TMEM71: variants seen among roughly 807,000 people sequenced by gnomAD.
TMEM71 encodes transmembrane protein 71.
Under a neutral mutation model 38.0 loss-of-function variants are expected in TMEM71, and 44 were observed. That is an observed-to-expected ratio of 1.16 (90% CI 0.91 to 1.49). The LOEUF (loss-of-function observed/expected upper bound fraction) is 1.49. Among genes scored for constraint, TMEM71 ranks in the 40% most tolerant of loss-of-function variants. The probability of loss-of-function intolerance (pLI) is 0.00; values close to 1 mark genes in which losing one functional copy is unlikely to be tolerated. For missense variants in TMEM71, 367 were observed against 348.6 expected (o/e 1.05, Z -0.42); for synonymous variants, 133 against 122.5 (o/e 1.09, Z -0.56).
intron 7 of TMEM71, among the ~76,000 whole-genome samples, chr8:132,716,630 A>G (rs1826550850): frequency 6.6e-6 from 1 of 152,234 alleles, no homozygotes; most frequent in South Asian, 2.1e-4. Flanking sequence ...ACATCATCTT[A>G]TATAAGGGGC....
Position 132,722,046 on chromosome 8 carries a change from C to T in TMEM71, c.746G>A (p.Cys249Tyr). Residue 249 changes from cysteine to tyrosine, a missense_variant, in exon 7 of 10, where the codon TGT becomes TAT. By Grantham distance (194) the Cys-to-Tyr change is radical. Coordinates refer to ENST00000677595, the MANE Select transcript of TMEM71 (RefSeq NM_001382403.1). ...AAAATAAAACGTGAATTACCTTGCACATGCAGAAATGATTAAGCACACAGC... is the reference window on the plus strand; with the variant it reads ...AAAATAAAACGTGAATTACCTTGCATATGCAGAAATGATTAAGCACACAGC... Reference protein sequence around the residue: ...LLAVCLIISACARWFMGEILA... With the variant: ...LLAVCLIISAYARWFMGEILA... 1.2e-6 allele frequency: 2 copies of T among 1,613,498 alleles called. No individual in the cohort carries two copies. The highest frequency in any genetic ancestry group is 1.7e-6 in the Non-Finnish European group (2 of 1,179,436).
chr8:132,751,932 C>A lies in TMEM71; in HGVS notation c.167G>T (p.Gly56Val). The change falls in exon 4 of 10, where the codon GGC becomes GTC. Residue 56 changes from glycine to valine, a missense_variant. Transcript: ENST00000677595. ...ACTTCGGCGACAGGTATAGTGGGAG[C>A]CTGTCAGGGGATCTATGGAGCCGCA... The part of the protein sequence containing the change: ...FECGSIDPLT[G>V]SHYTCRRSPR... 1 of 1,614,086 alleles carries A rather than the reference C, an allele frequency of 6.2e-7. No homozygotes were observed.
At chr8:132,747,483 T>C (rs191929282) in intron 4 of TMEM71, among the ~76,000 whole-genome samples, 1 of 152,356 alleles carries the variant, frequency 6.6e-6, no homozygotes, top group African/African-American at 2.4e-5. Context: ...TATTATCCCA[T>C]TTTTCTGATC....
chr8:132,743,895 T>A (rs1384245277), intron 5 of TMEM71, among the ~76,000 whole-genome samples: 1 of 152,200 alleles, frequency 6.6e-6, no homozygotes, highest in Non-Finnish European at 1.5e-5. Context: ...CAGCACAGAA[T>A]GTTCTTACCT....
intron 7 of TMEM71, among the ~76,000 whole-genome samples, chr8:132,719,933 G>A (rs777142050): frequency 6.6e-6 from 1 of 152,146 alleles, no homozygotes; most frequent in Non-Finnish European, 1.5e-5. Flanking sequence ...CATTGCGTCT[G>A]CTAGGCTCCT....
chr8:132,756,422 T>TATATATATA (rs1829018139), intron 3 of TMEM71, among the ~76,000 whole-genome samples: 3 of 142,276 alleles, frequency 2.1e-5, no homozygotes, highest in African/African-American at 7.8e-5. Context: ...TATATATATA[T>TATATATATA]ATATATATAT....
At chr8:132,758,816 G>C in intron 2 of TMEM71, 24 bp downstream of exon 2, 1 of 1,605,400 alleles carries the variant, frequency 6.2e-7, no homozygotes, top group South Asian at 1.1e-5. Context: ...AGATAATTGC[G>C]TATCACAGTT....
At chr8:132,738,414 C>G (rs777426880) in intron 5 of TMEM71, among the ~76,000 whole-genome samples, 1 of 152,296 alleles carries the variant, frequency 6.6e-6, no homozygotes, top group South Asian at 2.1e-4. Context: ...CTATCACTAA[C>G]CTGTCAATTC....
intron 6 of TMEM71, among the ~76,000 whole-genome samples, chr8:132,723,096 A>G (rs1057207113): frequency 6.6e-6 from 1 of 152,246 alleles, no homozygotes; most frequent in South Asian, 2.1e-4. Context: ...TGAGTCAGCT[A>G]ACAAAACCTA....
the TMEM71 span, among the ~76,000 whole-genome samples, chr8:132,767,206 T>C: frequency 6.6e-6 from 1 of 152,144 alleles, no homozygotes; most frequent in African/African-American, 2.4e-5. Flanking sequence ...TTTCCATTAC[T>C]CTCCTCGGCC....
intron 9 of TMEM71, among the ~76,000 whole-genome samples, chr8:132,712,158 C>G (rs184722658): frequency 3.7e-4 from 56 of 152,092 alleles, no homozygotes; most frequent in African/African-American, 1.3e-3. Flanking sequence ...GTCAATAGTC[C>G]TTGTTTTCAC....
rs191936782 is a variant in TMEM71, at chr8:132,728,466, C to T, written c.488-480G>A. Among the ~76,000 whole-genome samples, 34 of 152,342 alleles carry T rather than the reference C, an allele frequency of 2.2e-4. 1 individual carries two copies. The East Asian group carries it at 6.4e-3, about 29-fold the overall frequency. The stretch of plus-strand genomic sequence containing the variant: ...GATTCAATACCCTCCCACCAGATCC[C>T]TCTCACAACATGTGGGAATTGTGGG... On this transcript the variant is annotated intron_variant, in intron 5 of 9. Transcript: ENST00000677595.
downstream of TMEM71, among the ~76,000 whole-genome samples, chr8:132,708,105 T>C (rs917642424): frequency 2.0e-5 from 3 of 152,200 alleles, no homozygotes; most frequent in African/African-American, 4.8e-5. Flanking sequence ...TCCAGATCAC[T>C]GAGAATCTTT....
the TMEM71 span, among the ~76,000 whole-genome samples, chr8:132,773,438 G>A: frequency 6.6e-6 from 1 of 152,128 alleles, no homozygotes; most frequent in Admixed American, 6.5e-5. Flanking sequence ...TTTCCAGGGT[G>A]GATTCTCAAC....
At chr8:132,730,893 G>A (rs925517580) in intron 5 of TMEM71, among the ~76,000 whole-genome samples, 1 of 152,120 alleles carries the variant, frequency 6.6e-6, no homozygotes. Context: ...GTGTGCATGT[G>A]TGTGTTTGTG....
chr8:132,727,975 C>A lies in TMEM71; in HGVS notation c.499G>T (p.Asp167Tyr), dbSNP rs762194679. The A allele has an allele frequency of 1.2e-5, 20 of 1,610,916 alleles. No homozygotes were observed. Among genetic ancestry groups the A allele is most frequent in the Non-Finnish European group, 1.6e-5 (19 of 1,178,884 alleles). Residue 167 changes from aspartate to tyrosine, a missense_variant, in exon 6 of 10, where the codon GAC (aspartate) becomes TAC (tyrosine). Coordinates refer to ENST00000677595, the MANE Select transcript of TMEM71 (RefSeq NM_001382403.1). ...DHCNGNADDLDCSSLTDDWES... is the reference protein window; with the variant it reads ...DHCNGNADDLYCSSLTDDWES... The stretch of plus-strand genomic sequence containing the variant: ...CAGTCATCAGTCAGAGAAGAACAGT[C>A]TAAATCATCTGCTGAAAAAGCAGAG...
chr8:132,734,417 C>A lies in TMEM71; in HGVS notation c.488-6431G>T, dbSNP rs16904731. Among the ~76,000 whole-genome samples, 264 of 152,286 alleles carry A rather than the reference C, an allele frequency of 1.7e-3. 4 individuals carry two copies. The highest frequency in any genetic ancestry group is 6.1e-3 in the African/African-American group (252 of 41,552). The stretch of plus-strand genomic sequence containing the variant: ...AGTGAGAAAGAGATGGGAACTTCCA[C>A]GGCTAATTATGTAGTCATGAGTGCC... On this transcript the variant is annotated intron_variant, in intron 5 of 9. Coordinates refer to ENST00000677595, the MANE Select transcript of TMEM71 (RefSeq NM_001382403.1).
intron 6 of TMEM71, 47 bp from the exon 7 acceptor site, chr8:132,722,162 C>T: frequency 7.7e-7 from 1 of 1,306,542 alleles, no homozygotes; most frequent in Non-Finnish European, 1.1e-6. Flanking sequence ...ATTGCTGATT[C>T]AATCATCTTG....
At chr8:132,743,823 T>A (rs1828186951) in intron 5 of TMEM71, among the ~76,000 whole-genome samples, 1 of 152,146 alleles carries the variant, frequency 6.6e-6, no homozygotes, top group South Asian at 2.1e-4. Flanking sequence ...ATGCATGCTA[T>A]CTTCCCCCAC....
Sources: allele counts gnomAD v4.1 joint callset (sites outside exome capture counted in the v4.1 genomes callset), GRCh38; gene constraint gnomAD v4.1.1; transcripts MANE v1.5; gene names NCBI Gene and HGNC (gene_info 2026-07-23, HGNC 2026-07-21).